MMP20: variants seen among roughly 807,000 people sequenced by gnomAD.
MMP20 encodes matrix metalloproteinase-20.
A neutral mutation model predicts 51.8 loss-of-function variants in MMP20; 50 were observed. The ratio of observed to expected loss-of-function variants is 0.97; its 90% CI spans 0.77 to 1.22. The LOEUF is 1.22. MMP20 is among the 50% of genes most tolerant of loss of function. The pLI is 0.00. For synonymous variants in MMP20, 244 were observed against 216.2 expected (o/e 1.13, Z -1.13); for missense variants, 663 against 601.4 (o/e 1.10, Z -1.07).
Position 102,614,348 on chromosome 11 carries a change from C to T in MMP20, c.375-2445G>A, listed in dbSNP as rs73582613. The stretch of plus-strand genomic sequence containing the variant: ...TCTAGTGTCCTTTTTCATGGGGAGG[C>T]GATGGTAGAGTTATTGGGGAGCAAG... On this transcript the variant is annotated intron_variant, in intron 2 of 9. Transcript: ENST00000260228. Among the ~76,000 whole-genome samples, 1,186 of 152,074 alleles carry T rather than the reference C, an allele frequency of 7.8e-3. 19 individuals carry two copies. Among genetic ancestry groups the T allele is most frequent in the African/African-American group, 0.027 (1,108 of 41,476 alleles).
intron 8 of MMP20, among the ~76,000 whole-genome samples, chr11:102,589,950 C>T (rs1436132141): frequency 6.6e-6 from 1 of 152,054 alleles, no homozygotes; most frequent in Non-Finnish European, 1.5e-5. Flanking sequence ...ATGTGGAAGA[C>T]GTATTCTACT....
intron 6 of MMP20, 88 bp from the exon 7 acceptor site, chr11:102,594,845 C>T: frequency 1.3e-6 from 2 of 1,510,714 alleles, no homozygotes; most frequent in South Asian, 1.2e-5. Flanking sequence ...GAAATGTACT[C>T]AGAGGCCACT....
chr11:102,577,093 G>A lies in MMP20; in HGVS notation c.*233C>T, dbSNP rs1479503094. Reference sequence around the variant, plus strand: ...GGTGTCTAACTGCAGAGTGCATTGTGTTGATTTGGATTTCGCATAAAGTTG... The same window carrying A: ...GGTGTCTAACTGCAGAGTGCATTGTATTGATTTGGATTTCGCATAAAGTTG... On this transcript the variant is annotated 3_prime_UTR_variant, in exon 10 of 10. Coordinates refer to ENST00000260228, the MANE Select transcript of MMP20 (RefSeq NM_004771.4). The A allele has an allele frequency of 1.6e-5, 8 of 504,190 alleles. No individual in the cohort carries two copies. Among genetic ancestry groups the A allele is most frequent in the African/African-American group, 9.7e-5 (5 of 51,536 alleles). The allele number at this position is 504,190 out of a possible 1,614,324, so 31.2% of individuals were successfully genotyped here.
intron 6 of MMP20, among the ~76,000 whole-genome samples, chr11:102,603,230 G>C (rs1398799009): frequency 6.6e-6 from 1 of 152,222 alleles, no homozygotes; most frequent in Non-Finnish European, 1.5e-5. Context: ...GAGTGGGAGA[G>C]AAGAGACTGG....
At chr11:102,606,216 C>G (rs1453063154) in intron 6 of MMP20, among the ~76,000 whole-genome samples, 1 of 152,222 alleles carries the variant, frequency 6.6e-6, no homozygotes, top group Non-Finnish European at 1.5e-5. Context: ...CCTTGGGAAA[C>G]TTGCTTGCTG....
At chr11:102,595,605 A>G (rs1441572707) in intron 6 of MMP20, among the ~76,000 whole-genome samples, 1 of 152,230 alleles carries the variant, frequency 6.6e-6, no homozygotes, top group Non-Finnish European at 1.5e-5. Context: ...ATCATAAGTT[A>G]TGGTGTTGCC....
In MMP20 at chr11:102,594,669, C is replaced by T. The variant is rs1183216554; in HGVS notation, c.1042G>A (p.Asp348Asn). ...CTCTCAGCCACTTCGTAAGCTGCAT[C>T]CACATTGGACATGAGCTGGGGGAAG... ...SSFPQLMSNVDAAYEVAERGT... is the reference protein window; with the variant it reads ...SSFPQLMSNVNAAYEVAERGT... The change falls in exon 7 of 10, where the codon GAT becomes AAT. Residue 348 changes from aspartate to asparagine, a missense_variant. Coordinates refer to ENST00000260228, the MANE Select transcript of MMP20 (RefSeq NM_004771.4). 2 of 1,613,224 alleles carry T rather than the reference C, an allele frequency of 1.2e-6. No individual in the cohort carries two copies. The highest frequency in any genetic ancestry group is 2.2e-5 in the East Asian group (1 of 44,838).
intron 9 of MMP20, among the ~76,000 whole-genome samples, chr11:102,578,775 A>C (rs12800866): frequency 2.9e-5 from 3 of 103,256 alleles, no homozygotes; most frequent in East Asian, 3.0e-4. Context: ...AAAAACAAAA[A>C]ACAAAACACA....
rs761504940 is a variant in MMP20, at chr11:102,625,193, C to A, written c.126+1G>T. ...AAGGAATTGGGCAAAAATTCACAAA[C>A]CTGTGCGAGGCGGTAGTTGTTCCTC... is the stretch of plus-strand genomic sequence containing the variant. On this transcript the variant is annotated splice_donor_variant, in intron 1 of 9. Coordinates refer to ENST00000260228, the MANE Select transcript of MMP20 (RefSeq NM_004771.4). LOFTEE classifies it high-confidence loss of function. The A allele has an allele frequency of 2.5e-6, 4 of 1,613,538 alleles. No homozygotes were observed. The Admixed American group carries it at 6.7e-5, about 27-fold the overall frequency.
chr11:102,585,599 G>A (rs766618595), intron 8 of MMP20, among the ~76,000 whole-genome samples: 8 of 152,068 alleles, frequency 5.3e-5, no homozygotes, highest in Non-Finnish European at 7.4e-5. Context: ...TATTTCATTC[G>A]TTCTTGCTTA....
At chr11:102,623,003 G>A (rs576986024) in intron 1 of MMP20, among the ~76,000 whole-genome samples, 2 of 152,256 alleles carry the variant, frequency 1.3e-5, no homozygotes, top group East Asian at 1.9e-4. Flanking sequence ...TGAGGACCAG[G>A]GCCATTGCAA....
chr11:102,607,136 G>C, intron 5 of MMP20: 1 of 183,974 alleles, frequency 5.4e-6, no homozygotes, highest in South Asian at 1.1e-4. Flanking sequence ...AAACTTTCTT[G>C]TGTGTTTTCC....
At chr11:102,579,746 C>T (rs1591607099) in intron 8 of MMP20, among the ~76,000 whole-genome samples, 1 of 152,212 alleles carries the variant, frequency 6.6e-6, no homozygotes, top group Non-Finnish European at 1.5e-5. Flanking sequence ...CAAAAAGTTT[C>T]CACATACATT....
chr11:102,613,376 C>T (rs1320002580), intron 2 of MMP20, among the ~76,000 whole-genome samples: 1 of 152,190 alleles, frequency 6.6e-6, no homozygotes, highest in African/African-American at 2.4e-5. Flanking sequence ...TGCTTTCTCT[C>T]TCTCTCTCTA....
intron 2 of MMP20, among the ~76,000 whole-genome samples, chr11:102,613,181 T>C (rs1050909893): frequency 2.6e-5 from 4 of 152,200 alleles, no homozygotes; most frequent in African/African-American, 9.6e-5. Context: ...GGACTGTGGG[T>C]GGAGTCAGAG....
intron 8 of MMP20, among the ~76,000 whole-genome samples, chr11:102,584,725 A>G (rs1238826254): frequency 2.0e-5 from 3 of 152,142 alleles, no homozygotes; most frequent in African/African-American, 7.2e-5. Context: ...GATTTATCTT[A>G]CATTTTCTTT....
chr11:102,592,472 C>T (rs926790115), intron 8 of MMP20, among the ~76,000 whole-genome samples: 3 of 152,060 alleles, frequency 2.0e-5, no homozygotes, highest in African/African-American at 7.2e-5. Flanking sequence ...TTCTCAACTC[C>T]AAATTGGGGA....
intron 1 of MMP20, among the ~76,000 whole-genome samples, chr11:102,617,595 T>G (rs1056958988): frequency 6.6e-6 from 1 of 152,202 alleles, no homozygotes; most frequent in Non-Finnish European, 1.5e-5. Context: ...AGGGTCCACC[T>G]TTTTTTCAGC....
Position 102,577,316 on chromosome 11 carries a change from G to A in MMP20, c.*10C>T, listed in dbSNP as rs760385946. 9 of 1,586,242 alleles carry A rather than the reference G, an allele frequency of 5.7e-6. No homozygotes were observed. The African/African-American group carries it at 9.4e-5, about 17-fold the overall frequency. On this transcript the variant is annotated 3_prime_UTR_variant, in exon 10 of 10. Transcript: ENST00000260228. Reference sequence around the variant, plus strand: ...CATCCTCATTGCTTGAGAAGACTAGGCTTTTCTATTTAGCAACCAATCCAG... The same window carrying A: ...CATCCTCATTGCTTGAGAAGACTAGACTTTTCTATTTAGCAACCAATCCAG...
Sources: gnomAD v4.1 joint callset for allele counts (sites outside exome capture counted in the v4.1 genomes callset) on GRCh38, gnomAD v4.1.1 for gene constraint, MANE v1.5 for transcripts, NCBI Gene and HGNC (gene_info 2026-07-23, HGNC 2026-07-21) for gene names.